GLIS3: variants seen among roughly 807,000 people sequenced by gnomAD.
GLIS3 encodes the protein GLIS family zinc finger 3, also known as zinc finger protein GLIS3.
In GLIS3, 53 loss-of-function variants were observed where a neutral mutation model predicts 78.6. That is an observed-to-expected ratio of 0.67 (90% CI 0.54 to 0.85). The LOEUF (loss-of-function observed/expected upper bound fraction) is 0.85, where lower values mean the gene tolerates loss of function less well. GLIS3 is among the 40% of genes least tolerant of loss of function. GLIS3 has a pLI of 0.00. For missense variants in GLIS3, 1,703 were observed against 1,231.1 expected, an observed-to-expected ratio of 1.38 and a Z score of -5.74; for synonymous variants, 684 against 509.9, an observed-to-expected ratio of 1.34 and a Z score of -4.60.
intron 4 of GLIS3, among the ~76,000 whole-genome samples, chr9:4,015,018 A>G (rs1822324322): frequency 6.6e-6 from 1 of 152,230 alleles, no homozygotes; most frequent in Middle Eastern, 3.2e-3. Flanking sequence ...GATAGATAAT[A>G]AACCATTATT....
chr9:4,032,654 A>C (rs1450024704), intron 4 of GLIS3, among the ~76,000 whole-genome samples: 1 of 152,128 alleles, frequency 6.6e-6, no homozygotes, highest in Admixed American at 6.5e-5. Flanking sequence ...GGAATAAAGC[A>C]CTTCACTCAA....
the GLIS3 span, among the ~76,000 whole-genome samples, chr9:4,428,698 T>A: frequency 6.6e-6 from 1 of 152,104 alleles, no homozygotes; most frequent in Admixed American, 6.5e-5. Flanking sequence ...TTTAACATAG[T>A]ATATAGGGTC....
intron 2 of GLIS3, among the ~76,000 whole-genome samples, chr9:4,195,914 A>G (rs1023101610): frequency 1.4e-4 from 22 of 152,224 alleles, no homozygotes; most frequent in African/African-American, 4.8e-4. Flanking sequence ...AAATGCACCA[A>G]TCAGCACTTT....
intron 2 of GLIS3, among the ~76,000 whole-genome samples, chr9:4,148,978 C>T (rs893001504): frequency 5.9e-5 from 9 of 152,036 alleles, no homozygotes; most frequent in Non-Finnish European, 1.0e-4. Context: ...CTCACCTTTC[C>T]CATGAAGCCC....
At chr9:4,154,176 G>A (rs1450308979) in intron 2 of GLIS3, among the ~76,000 whole-genome samples, 1 of 152,184 alleles carries the variant, frequency 6.6e-6, no homozygotes, top group Non-Finnish European at 1.5e-5. Context: ...AACAGATGTA[G>A]CATCACTTCT....
chr9:3,907,763 T>A (rs1462628356), intron 6 of GLIS3, among the ~76,000 whole-genome samples: 1 of 152,170 alleles, frequency 6.6e-6, no homozygotes, highest in African/African-American at 2.4e-5. Context: ...TTGGCACCCA[T>A]GCCTTGCTTT....
chr9:4,381,575 A>C, the GLIS3 span, among the ~76,000 whole-genome samples: 1 of 152,300 alleles, frequency 6.6e-6, no homozygotes, highest in Admixed American at 6.5e-5. Flanking sequence ...ACTCACGCAC[A>C]TTTTGGTACT....
At chr9:4,298,027 C>T (rs1563918144) in intron 1 of GLIS3, among the ~76,000 whole-genome samples, 1 of 152,210 alleles carries the variant, frequency 6.6e-6, no homozygotes, top group Admixed American at 6.5e-5. Context: ...CCGCCCCTAA[C>T]CCTCGGCCCC....
intron 8 of GLIS3, among the ~76,000 whole-genome samples, chr9:3,865,552 G>C (rs1048779483): frequency 6.6e-6 from 1 of 152,188 alleles, no homozygotes; most frequent in African/African-American, 2.4e-5. Context: ...TAACAAGTTG[G>C]AATAATACCA....
At chr9:4,464,382 TA>T in the GLIS3 span, among the ~76,000 whole-genome samples, 9 of 151,504 alleles carry the variant, frequency 5.9e-5, no homozygotes, top group African/African-American at 2.2e-4. Flanking sequence ...TTTATAATTT[TA>T]TTTTTTTAAT....
At chr9:3,966,078 T>C (rs1401512340) in intron 4 of GLIS3, among the ~76,000 whole-genome samples, 1 of 152,170 alleles carries the variant, frequency 6.6e-6, no homozygotes, top group African/African-American at 2.4e-5. Context: ...AATTGTGGTC[T>C]TTTGTTCATT....
chr9:4,286,018 T>C lies in GLIS3; in HGVS notation c.388+20A>G, dbSNP rs755522547. The C allele has an allele frequency of 6.8e-6, 11 of 1,614,010 alleles. No homozygotes were observed. The highest frequency in any genetic ancestry group is 7.6e-6 in the Non-Finnish European group (9 of 1,180,006). On this transcript the variant is annotated intron_variant, in intron 2 of 10. Transcript: ENST00000381971. The stretch of plus-strand genomic sequence containing the variant: ...AAAAATCGTTTCCATTTTTAAAAGG[T>C]TCCAGAAAGACAATCCTACCTTTCC...
the GLIS3 span, among the ~76,000 whole-genome samples, chr9:4,420,083 G>A: frequency 6.6e-6 from 1 of 152,190 alleles, no homozygotes; most frequent in Middle Eastern, 3.2e-3. Context: ...GCTATCAGCT[G>A]TGGTGCTCAC....
At chr9:4,104,026 C>T (rs558232168) in intron 4 of GLIS3, among the ~76,000 whole-genome samples, 21 of 152,216 alleles carry the variant, frequency 1.4e-4, no homozygotes, top group African/African-American at 2.2e-4. Flanking sequence ...TGTCCCTCAA[C>T]GATGGAATAC....
chr9:4,447,074 G>A, the GLIS3 span, among the ~76,000 whole-genome samples: 2 of 151,800 alleles, frequency 1.3e-5, no homozygotes, highest in African/African-American at 4.8e-5. Context: ...TAGAGACAAG[G>A]TCTCACTCTG....
intron 2 of GLIS3, among the ~76,000 whole-genome samples, chr9:4,266,255 G>T (rs1047396036): frequency 6.6e-6 from 1 of 151,798 alleles, no homozygotes; most frequent in Non-Finnish European, 1.5e-5. Context: ...CTGTCATCAG[G>T]AAAATGAGCC....
chr9:4,487,476 G>A, the GLIS3 span, among the ~76,000 whole-genome samples: 1 of 151,926 alleles, frequency 6.6e-6, no homozygotes, highest in Non-Finnish European at 1.5e-5. Flanking sequence ...GGTGCCCAAG[G>A]TCACCAAGCT....
intron 9 of GLIS3, among the ~76,000 whole-genome samples, chr9:3,833,277 C>A (rs979147780): frequency 1.3e-5 from 2 of 152,164 alleles, no homozygotes; most frequent in African/African-American, 4.8e-5. Context: ...TAGCCAGTTA[C>A]TAGAGATGCC....
At chr9:4,128,307 C>T (rs1006944651) in intron 2 of GLIS3, among the ~76,000 whole-genome samples, 1 of 152,208 alleles carries the variant, frequency 6.6e-6, no homozygotes, top group African/African-American at 2.4e-5. Context: ...TCCCATCACA[C>T]ATGTGCCTCA....
Sources: allele counts gnomAD v4.1 joint callset (sites outside exome capture counted in the v4.1 genomes callset), GRCh38; gene constraint gnomAD v4.1.1; transcripts MANE v1.5; gene names NCBI Gene and HGNC (gene_info 2026-07-23, HGNC 2026-07-21).